The following SPEG variants were observed in gnomAD, a reference collection of about 807,000 sequenced individuals.
The protein encoded by SPEG is striated muscle preferentially expressed protein kinase.
A neutral mutation model predicts 300.4 loss-of-function variants in SPEG; 114 were observed. The observed-to-expected ratio is 0.38, with a 90% CI of 0.33 to 0.44. The LOEUF (loss-of-function observed/expected upper bound fraction) is 0.44. Among genes scored for constraint, SPEG ranks in the 20% least tolerant of loss-of-function variants. The pLI is 1.00. For missense variants in SPEG, 4,201 were observed against 4,586.2 expected, an observed-to-expected ratio of 0.92 and a Z score of 2.43; for synonymous variants, 1,964 against 2,018.9, an observed-to-expected ratio of 0.97 and a Z score of 0.73.
chr2:219,477,340 C>T lies in SPEG; in HGVS notation c.4624C>T (p.Leu1542=), dbSNP rs745505101. 4 of 1,613,590 alleles carry T rather than the reference C, an allele frequency of 2.5e-6. No individual in the cohort carries two copies. The Admixed American group carries it at 5.0e-5, about 20-fold the overall frequency. Residue 1542 remains leucine (L), a synonymous_variant, in exon 20 of 41, where the codon CTG becomes TTG. Coordinates refer to ENST00000312358, the MANE Select transcript of SPEG (RefSeq NM_005876.5). This position sits in a 1 kb window ranked among gnomAD's most constrained non-coding sequence, Gnocchi z 6.4. ...CGTGTACGAGGAGAATGAGTGCTCC[C>T]TGGTGGTGCTCAGCACGGGGGCCCA... is the stretch of plus-strand genomic sequence containing the variant. ...SFVYEENECS[L]VVLSTGAQDG... is the part of the protein sequence containing the mutation.
Position 219,444,152 on chromosome 2 carries a change from C to A in SPEG, c.389-501C>A. On this transcript the variant is annotated intron_variant, in intron 1 of 40. Transcript: ENST00000312358. This position sits in a 1 kb window ranked among gnomAD's most constrained non-coding sequence, Gnocchi z 7.8. ...CACCCTGCCTCAGCTGCACCCGATG[C>A]CTTGCAGCTGGTTTGGGGTAGAGGA... The A allele has an allele frequency of 2.1e-6, 2 of 971,662 alleles. No homozygotes were observed. The highest frequency in any genetic ancestry group is 2.9e-6 in the Non-Finnish European group (2 of 683,308). The allele number at this position is 971,662 out of a possible 1,614,324, so 60.2% of individuals were successfully genotyped here. A position where few individuals can be genotyped will look rare whatever the true frequency, so the allele number is the denominator to read the frequency against.
chr2:219,481,688 T>C lies in SPEG; in HGVS notation c.5565+8T>C. 6.2e-7 allele frequency: 1 copy of C among 1,613,860 alleles called. No individual in the cohort carries two copies. The highest frequency in any genetic ancestry group is 8.5e-7 in the Non-Finnish European group (1 of 1,179,708). On this transcript the variant is annotated splice_region_variant and intron_variant, in intron 28 of 40. Transcript: ENST00000312358. This position sits in a 1 kb window ranked among gnomAD's most constrained non-coding sequence, Gnocchi z 5.4. Reference sequence around the variant, plus strand: ...GAACATCCTTGGTTCAAAGTGAGTCTAGTCTGCAAAGTGGTGGCACAAAAG... The same window carrying C: ...GAACATCCTTGGTTCAAAGTGAGTCCAGTCTGCAAAGTGGTGGCACAAAAG...
intron 9 of SPEG, chr2:219,465,914 T>TGC: frequency 1.5e-6 from 1 of 677,384 alleles, no homozygotes. Context: ...TGTGCATGCG[T>TGC]GTGTGTGTGC....
Position 219,478,066 on chromosome 2 carries a change from C to T in SPEG, c.4988C>T (p.Ala1663Val). 1 of 1,614,208 alleles carries T rather than the reference C, an allele frequency of 6.2e-7. No homozygotes were observed. Among genetic ancestry groups the T allele is most frequent in the South Asian group, 1.1e-5 (1 of 91,090 alleles). Residue 1663 changes from alanine to valine, a missense_variant, in exon 22 of 41, where the codon GCC (alanine) becomes GTC (valine). Physicochemically the swap from Ala to Val is moderately conservative, Grantham distance 64 (BLOSUM62 0). This residue lies in a region of SPEG where 1,047 missense variants were observed against 1,356.8 expected (regional missense o/e 0.77). Coordinates refer to ENST00000312358, the MANE Select transcript of SPEG (RefSeq NM_005876.5). ...QHDCVLYFHEAFERRRGLVIV... is the reference protein window; with the variant it reads ...QHDCVLYFHEVFERRRGLVIV... ...GACTGTGTCCTCTACTTCCATGAGG[C>T]CTTCGAGAGGCGCCGGGGACTGGTC...
Position 219,448,514 on chromosome 2 carries a change from C to T in SPEG, c.1356C>T (p.Ala452=). ...ERGAPWGTPG[A]SQEELRAPGS... The stretch of plus-strand genomic sequence containing the variant: ...GCGCACCGTGGGGCACCCCCGGGGC[C>T]TCGCAGGAAGAACTGCGGGCGCCAG... The change falls in exon 4 of 41, where the codon GCC becomes GCT. Residue 452 remains alanine (A), a synonymous_variant. Transcript: ENST00000312358. The T allele has an allele frequency of 1.4e-6, 2 of 1,449,456 alleles. No individual in the cohort carries two copies. Among genetic ancestry groups the T allele is most frequent in the Non-Finnish European group, 1.8e-6 (2 of 1,110,484 alleles). The allele number at this position is 1,449,456 out of a possible 1,614,324, so 89.8% of individuals were successfully genotyped here.
In SPEG at chr2:219,459,781, G is replaced by A. The variant is rs562127082; in HGVS notation, c.2441-2101G>A. 5.5e-4 allele frequency among the ~76,000 whole-genome samples: 83 copies of A among 152,176 alleles called. No homozygotes were observed. The highest frequency in any genetic ancestry group is 1.0e-3 in the Non-Finnish European group (69 of 68,034). ...GTGATCTCAGCATCAAATGCCTTAAGCACCAAATGCCATTCTGACTTCCCT... is the reference window on the plus strand; with the variant it reads ...GTGATCTCAGCATCAAATGCCTTAAACACCAAATGCCATTCTGACTTCCCT... On this transcript the variant is annotated intron_variant, in intron 6 of 40. Coordinates refer to ENST00000312358, the MANE Select transcript of SPEG (RefSeq NM_005876.5). This position sits in a 1 kb window ranked among gnomAD's most constrained non-coding sequence, Gnocchi z 4.9.
At position 219,473,433 on chromosome 2, in the gene SPEG, G is replaced by A. The variant is rs1304383371; in HGVS notation, c.4148-71G>A. ...CGGAACTCAAGTGTTGATGAGGGGT[G>A]TTAGAGGAGTGGTGGGTGCTGAGGA... On this transcript the variant is annotated intron_variant, in intron 16 of 40. Transcript: ENST00000312358. This position sits in a 1 kb window ranked among gnomAD's most constrained non-coding sequence, Gnocchi z 4.6. 6.9e-7 allele frequency: 1 copy of A among 1,452,806 alleles called. No homozygotes were observed. The highest frequency in any genetic ancestry group is 1.4e-5 in the African/African-American group (1 of 71,686). 90.0% of individuals were successfully genotyped at this position (1,452,806 alleles called of 1,614,324 possible). A position where few individuals can be genotyped will look rare whatever the true frequency, so the allele number is the denominator to read the frequency against.
chr2:219,437,336 G>T (rs1459263582), intron 1 of SPEG: 1 of 152,334 alleles, frequency 6.6e-6, no homozygotes, highest in Non-Finnish European at 1.5e-5. Context: ...TGGTGATGAG[G>T]TGTGAGAGCC....
intron 30 of SPEG, 44 bp from the exon 31 acceptor site, chr2:219,485,302 C>A: frequency 6.3e-7 from 1 of 1,579,682 alleles, no homozygotes; most frequent in Non-Finnish European, 8.6e-7. Flanking sequence ...TGGGAACTTG[C>A]TGGTACTGAC....
At chr2:219,442,453 C>G (rs2125225962) in intron 1 of SPEG, among the ~76,000 whole-genome samples, 1 of 148,286 alleles carries the variant, frequency 6.7e-6, no homozygotes, top group South Asian at 2.2e-4. Flanking sequence ...CCCGGCCTGC[C>G]CCAGCCCCCC....
chr2:219,463,856 C>T (rs1690989069), intron 8 of SPEG, among the ~76,000 whole-genome samples: 2 of 152,016 alleles, frequency 1.3e-5, no homozygotes, highest in Admixed American at 1.3e-4. Flanking sequence ...CATGAGGGCT[C>T]AATGTCTGTA....
rs768947873 is a variant in SPEG at position 219,444,704 on chromosome 2, T to A, written c.440T>A (p.Leu147Gln). ...DISDVQGTQR[L>Q]ELRDDGAFST... ...AGCGATGTGCAGGGAACCCAGCGCCTGGAGCTTCGGGATGACGGGGCCTTC... is the reference window on the plus strand; with the variant it reads ...AGCGATGTGCAGGGAACCCAGCGCCAGGAGCTTCGGGATGACGGGGCCTTC... Residue 147 changes from leucine (L) to glutamine (Q), a missense_variant, in exon 2 of 41, where the codon CTG becomes CAG. By Grantham distance (113) the Leu-to-Gln change is moderately radical (BLOSUM62 -2). Around this residue, in one of 4 missense-constraint regions of SPEG, gnomAD observed 1,258 missense variants for 1,293.9 expected, o/e 0.97. Transcript: ENST00000312358. The surrounding 1 kb of genome is among the most constrained non-coding windows in gnomAD (Gnocchi z 7.8). The A allele has an allele frequency of 1.1e-5, 18 of 1,613,904 alleles. No homozygotes were observed. In the Admixed American group the frequency reaches 2.7e-4, roughly 24 times the overall value.
chr2:219,464,911 C>G lies in SPEG; in HGVS notation c.2881+303C>G, dbSNP rs1423376043. Reference sequence around the variant, plus strand: ...CTGCACCTGCCACTGGCCAAGCTCTCTCTACACTCTTCTGAGCCTTTGTCA... The same window carrying G: ...CTGCACCTGCCACTGGCCAAGCTCTGTCTACACTCTTCTGAGCCTTTGTCA... On this transcript the variant is annotated intron_variant, in intron 9 of 40. Coordinates refer to ENST00000312358, the MANE Select transcript of SPEG (RefSeq NM_005876.5). This position sits in a 1 kb window ranked among gnomAD's most constrained non-coding sequence, Gnocchi z 4.5. The G allele has an allele frequency of 5.5e-6, 2 of 364,446 alleles. No homozygotes were observed. The highest frequency in any genetic ancestry group is 5.1e-6 in the Non-Finnish European group (1 of 197,940). The allele number at this position is 364,446 out of a possible 1,614,324, so 22.6% of individuals were successfully genotyped here. A position where few individuals can be genotyped will look rare whatever the true frequency, so the allele number is the denominator to read the frequency against.
chr2:219,434,967 T>C lies in SPEG; in HGVS notation c.-11T>C. Reference sequence around the variant, plus strand: ...AGTTCCGGCGTCCCCCCAGCCCAGCTCTCAGTGGCCATGCAGAAAGCCCGG... The same window carrying C: ...AGTTCCGGCGTCCCCCCAGCCCAGCCCTCAGTGGCCATGCAGAAAGCCCGG... On this transcript the variant is annotated 5_prime_UTR_variant, in exon 1 of 41. Transcript: ENST00000312358. 2 of 1,500,706 alleles carry C rather than the reference T, an allele frequency of 1.3e-6. No individual in the cohort carries two copies. The highest frequency in any genetic ancestry group is 2.5e-5 in the South Asian group (2 of 81,176). 93.0% of individuals were successfully genotyped at this position (1,500,706 alleles called of 1,614,324 possible). A position where few individuals can be genotyped will look rare whatever the true frequency, so the allele number is the denominator to read the frequency against.
chr2:219,451,033 T>C lies in SPEG; in HGVS notation c.2114-103T>C. On this transcript the variant is annotated intron_variant, in intron 4 of 40. Coordinates refer to ENST00000312358, the MANE Select transcript of SPEG (RefSeq NM_005876.5). This position sits in a 1 kb window ranked among gnomAD's most constrained non-coding sequence, Gnocchi z 6.4. Reference sequence around the variant, plus strand: ...TCCCTGCTTTCTAGAAGCCCCTCTGTCTGGGTTTGGCTTTCTAGGATGCAG... The same window carrying C: ...TCCCTGCTTTCTAGAAGCCCCTCTGCCTGGGTTTGGCTTTCTAGGATGCAG... The C allele has an allele frequency of 8.2e-7, 1 of 1,223,188 alleles. No homozygotes were observed. The highest frequency in any genetic ancestry group is 1.1e-6 in the Non-Finnish European group (1 of 902,672). The allele number at this position is 1,223,188 out of a possible 1,614,324, so 75.8% of individuals were successfully genotyped here. A position where few individuals can be genotyped will look rare whatever the true frequency, so the allele number is the denominator to read the frequency against.
At position 219,444,112 on chromosome 2, in the gene SPEG, G is replaced by A. The variant is rs1209551795; in HGVS notation, c.389-541G>A. ...CCCGCATCCCCCCCTTTCCCACCCG[G>A]CCCCGGCCTCTCCTCACCCTGCCTC... On this transcript the variant is annotated intron_variant, in intron 1 of 40. Transcript: ENST00000312358. This position sits in a 1 kb window ranked among gnomAD's most constrained non-coding sequence, Gnocchi z 7.8. 2 of 1,279,282 alleles carry A rather than the reference G, an allele frequency of 1.6e-6. No homozygotes were observed. The highest frequency in any genetic ancestry group is 5.0e-5 in the East Asian group (1 of 19,910). 79.2% of individuals were successfully genotyped at this position (1,279,282 alleles called of 1,614,324 possible). A position where few individuals can be genotyped will look rare whatever the true frequency, so the allele number is the denominator to read the frequency against.
In SPEG at chr2:219,461,797, C is replaced by T; in HGVS notation, c.2441-85C>T. The T allele has an allele frequency of 4.9e-6, 7 of 1,429,280 alleles. No homozygotes were observed. The South Asian group carries it at 8.3e-5, about 17-fold the overall frequency. The allele number at this position is 1,429,280 out of a possible 1,614,324, so 88.5% of individuals were successfully genotyped here. On this transcript the variant is annotated intron_variant, in intron 6 of 40. Transcript: ENST00000312358. Reference sequence around the variant, plus strand: ...CGGCCTGCGGGGAGCTGCCGCAACTCCTGGGCTCTGGGCGACATTCCAGCC... The same window carrying T: ...CGGCCTGCGGGGAGCTGCCGCAACTTCTGGGCTCTGGGCGACATTCCAGCC...
chr2:219,442,042 T>A, intron 1 of SPEG: 1 of 1,121,450 alleles, frequency 8.9e-7, no homozygotes, highest in Non-Finnish European at 1.1e-6. Flanking sequence ...CCCGGCCCCC[T>A]CCCCCGCCAT....
At chr2:219,441,903 C>G (rs1688941562) in intron 1 of SPEG, 2 of 217,166 alleles carry the variant, frequency 9.2e-6, no homozygotes, top group Non-Finnish European at 1.8e-5. Context: ...GCCTTACCCC[C>G]ACCCGGCTCC....
Sources: allele counts gnomAD v4.1 joint callset (sites outside exome capture counted in the v4.1 genomes callset), GRCh38; gene constraint gnomAD v4.1.1; regional missense constraint gnomAD v4.1.1; non-coding constraint Gnocchi (gnomAD v3.1); transcripts MANE v1.5; gene names NCBI Gene and HGNC (gene_info 2026-07-23, HGNC 2026-07-21).